AUH: variants seen among roughly 807,000 people sequenced by gnomAD.
AUH encodes the protein methylglutaconyl-CoA hydratase, mitochondrial.
In AUH, 29 loss-of-function variants were observed where a neutral mutation model predicts 42.3. The observed-to-expected ratio is 0.69, with a 90% CI of 0.51 to 0.93. The LOEUF (loss-of-function observed/expected upper bound fraction) is 0.93, where lower values mean the gene tolerates loss of function less well. Among genes scored for constraint, AUH ranks in the 40% least tolerant of loss-of-function variants. The probability of loss-of-function intolerance (pLI) is 0.00; values close to 1 mark genes in which losing one functional copy is unlikely to be tolerated. For synonymous variants in AUH, 174 were observed against 166.4 expected (o/e 1.05, Z -0.35); for missense variants, 452 against 438.1 (o/e 1.03, Z -0.28).
intron 4 of AUH, among the ~76,000 whole-genome samples, chr9:91,313,470 C>A (rs530371108): frequency 1.3e-5 from 2 of 151,918 alleles, no homozygotes; most frequent in African/African-American, 4.8e-5. Flanking sequence ...CTTTGGGAGG[C>A]CGAGGCGGGT....
chr9:91,247,308 TA>T (rs1828854380), intron 6 of AUH, among the ~76,000 whole-genome samples: 1 of 152,116 alleles, frequency 6.6e-6, no homozygotes, highest in Non-Finnish European at 1.5e-5. Flanking sequence ...TCACTCCCCA[TA>T]AAGGTGGTTG....
intron 6 of AUH, among the ~76,000 whole-genome samples, chr9:91,263,055 T>A (rs1829785627): frequency 6.6e-6 from 1 of 152,214 alleles, no homozygotes; most frequent in Admixed American, 6.5e-5. Flanking sequence ...TCTCCCCAGG[T>A]CACTCTACTA....
At chr9:91,274,632 C>T (rs1202608448) in intron 6 of AUH, among the ~76,000 whole-genome samples, 1 of 152,092 alleles carries the variant, frequency 6.6e-6, no homozygotes, top group African/African-American at 2.4e-5. Context: ...AGATTGGCAA[C>T]TCAATTTATA....
chr9:91,276,243 A>T (rs1434717502), intron 6 of AUH, among the ~76,000 whole-genome samples: 4 of 152,156 alleles, frequency 2.6e-5, no homozygotes, highest in Non-Finnish European at 4.4e-5. Flanking sequence ...AGCCTGGCCA[A>T]CATGGTGAAA....
At chr9:91,340,578 A>G (rs993142549) in intron 3 of AUH, among the ~76,000 whole-genome samples, 3 of 152,252 alleles carry the variant, frequency 2.0e-5, no homozygotes, top group Non-Finnish European at 4.4e-5. Flanking sequence ...GCTGGCCTTC[A>G]AATCTAGCAT....
At chr9:91,327,592 T>C (rs984576757) in intron 3 of AUH, among the ~76,000 whole-genome samples, 1 of 152,302 alleles carries the variant, frequency 6.6e-6, no homozygotes. Context: ...TTACTCACTC[T>C]CTGGTGTCCA....
chr9:91,263,105 C>T (rs139051941), intron 6 of AUH, among the ~76,000 whole-genome samples: 17 of 152,248 alleles, frequency 1.1e-4, no homozygotes, highest in East Asian at 9.6e-4. Flanking sequence ...GTGCCAAGAA[C>T]GCAAACTAGG....
At chr9:91,314,759 T>C (rs1024537975) in intron 4 of AUH, among the ~76,000 whole-genome samples, 4 of 152,102 alleles carry the variant, frequency 2.6e-5, no homozygotes, top group Non-Finnish European at 4.4e-5. Flanking sequence ...AACCAGCCCT[T>C]GAAAGATGCC....
chr9:91,313,179 G>A (rs1012898383), intron 4 of AUH, among the ~76,000 whole-genome samples: 6 of 152,140 alleles, frequency 3.9e-5, no homozygotes, highest in East Asian at 1.9e-4. Flanking sequence ...TTTGGAATCC[G>A]TCTGCTTCCT....
At chr9:91,294,635 T>C in intron 6 of AUH, 1 of 450,588 alleles carries the variant, frequency 2.2e-6, no homozygotes. Context: ...GCAAATTAAA[T>C]TGAAAACCTT....
chr9:91,321,159 C>A lies in AUH; in HGVS notation c.505+4159G>T, dbSNP rs954176294. On this transcript the variant is annotated intron_variant, in intron 4 of 9. Coordinates refer to ENST00000375731, the MANE Select transcript of AUH (RefSeq NM_001698.3). ...TTTTTTGGCTAGTAATCTTCAGGTA[C>A]AAAAAGAGGTATCCCAGATGTGGCT... Among the ~76,000 whole-genome samples the A allele has an allele frequency of 5.9e-5, 9 of 152,032 alleles. No individual in the cohort carries two copies. The South Asian group carries it at 6.2e-4, about 11-fold the overall frequency.
chr9:91,234,564 T>C (rs944428170), intron 6 of AUH, among the ~76,000 whole-genome samples: 2 of 152,154 alleles, frequency 1.3e-5, no homozygotes, highest in Non-Finnish European at 2.9e-5. Flanking sequence ...ATTAGTTTTC[T>C]TTCTCTTTAA....
At chr9:91,298,855 T>A (rs1827555142) in intron 4 of AUH, among the ~76,000 whole-genome samples, 1 of 152,238 alleles carries the variant, frequency 6.6e-6, no homozygotes, top group Non-Finnish European at 1.5e-5. Flanking sequence ...CTCTATTAAT[T>A]TTATTTCTGA....
At chr9:91,271,603 C>T (rs947226601) in intron 6 of AUH, among the ~76,000 whole-genome samples, 4 of 152,240 alleles carry the variant, frequency 2.6e-5, no homozygotes, top group Non-Finnish European at 4.4e-5. Flanking sequence ...ATGACAATTA[C>T]TTCAAATATA....
At chr9:91,217,168 C>A (rs1826867326) in intron 8 of AUH, 109 bp downstream of exon 8, 1 of 1,168,908 alleles carries the variant, frequency 8.6e-7, no homozygotes. Flanking sequence ...AGCATTTAAA[C>A]AACCATATTT....
chr9:91,245,633 G>A (rs1431960851), intron 6 of AUH, among the ~76,000 whole-genome samples: 2 of 152,198 alleles, frequency 1.3e-5, no homozygotes, highest in Non-Finnish European at 2.9e-5. Flanking sequence ...ATCAATGACT[G>A]GAGCTGACAT....
At chr9:91,227,262 G>C (rs1082057) in intron 6 of AUH, among the ~76,000 whole-genome samples, 77,370 of 134,626 alleles carry the variant, frequency 0.57, 25,135 homozygotes, top group Non-Finnish European at 0.73. Context: ...TGAAGAGGTC[G>C]TTCACATCCC....
intron 6 of AUH, among the ~76,000 whole-genome samples, chr9:91,239,330 C>T (rs1257934062): frequency 1.3e-5 from 2 of 152,126 alleles, no homozygotes; most frequent in African/African-American, 4.8e-5. Context: ...ATAGTAAATA[C>T]CACTTTTGAA....
chr9:91,223,695 A>T (rs149842092), intron 6 of AUH, among the ~76,000 whole-genome samples: 12 of 152,246 alleles, frequency 7.9e-5, no homozygotes, highest in African/African-American at 2.9e-4. Context: ...AACAGAGAAC[A>T]AGAATTCCAA....
Sources: allele counts gnomAD v4.1 joint callset (sites outside exome capture counted in the v4.1 genomes callset), GRCh38; gene constraint gnomAD v4.1.1; transcripts MANE v1.5; gene names NCBI Gene and HGNC (gene_info 2026-07-23, HGNC 2026-07-21).